The following ADGRL2 variants were observed in gnomAD, a reference collection of about 807,000 sequenced individuals.
The protein encoded by ADGRL2 is adhesion G protein-coupled receptor L2, also known as calcium-independent alpha-latrotoxin receptor 2.
A neutral mutation model predicts 157.4 loss-of-function variants in ADGRL2; 44 were observed. The ratio of observed to expected loss-of-function variants is 0.28; its 90% confidence interval spans 0.22 to 0.36. The LOEUF is 0.36. Among genes scored for constraint, ADGRL2 ranks in the 10% least tolerant of loss-of-function variants. ADGRL2 has a pLI of 1.00. For missense variants in ADGRL2, 1,510 were observed against 1,768.9 expected (o/e 0.85, Z 2.63); for synonymous variants, 585 against 624.7 (o/e 0.94, Z 0.95).
At chr1:81,847,816 C>T (rs934245983) in intron 2 of ADGRL2, among the ~76,000 whole-genome samples, 4 of 151,824 alleles carry the variant, frequency 2.6e-5, no homozygotes, top group African/African-American at 7.2e-5. Flanking sequence ...ACTATAAAGT[C>T]ATGTAATGCA....
intron 2 of ADGRL2, among the ~76,000 whole-genome samples, chr1:81,857,414 C>A (rs1467126243): frequency 6.6e-6 from 1 of 152,174 alleles, no homozygotes; most frequent in Non-Finnish European, 1.5e-5. Flanking sequence ...CACACTTGAG[C>A]TAGGTCTACT....
chr1:81,834,555 AG>A (rs2092161625), intron 1 of ADGRL2, among the ~76,000 whole-genome samples: 1 of 152,148 alleles, frequency 6.6e-6, no homozygotes, highest in South Asian at 2.1e-4. Context: ...GTTTAATGGA[AG>A]GTTGTTTAAA....
At chr1:81,682,816 T>G (rs752318816) in intron 3 of ADGRL2, among the ~76,000 whole-genome samples, 2 of 152,192 alleles carry the variant, frequency 1.3e-5, no homozygotes, top group Non-Finnish European at 2.9e-5. Context: ...TCCATGAAAG[T>G]GCTTTAGAAT....
intron 2 of ADGRL2, among the ~76,000 whole-genome samples, chr1:81,775,219 G>A (rs1486241869): frequency 1.3e-5 from 2 of 149,338 alleles, no homozygotes; most frequent in Non-Finnish European, 3.0e-5. Flanking sequence ...TTAATACTCT[G>A]AAAAAAAAAC....
intron 2 of ADGRL2, among the ~76,000 whole-genome samples, chr1:81,843,477 G>T (rs913337522): frequency 4.6e-5 from 7 of 152,068 alleles, no homozygotes; most frequent in African/African-American, 1.7e-4. Context: ...ATTGCTCTTA[G>T]GACACTTTAG....
chr1:81,617,890 C>A (rs556887141), intron 3 of ADGRL2, among the ~76,000 whole-genome samples: 1 of 152,300 alleles, frequency 6.6e-6, no homozygotes, highest in East Asian at 1.9e-4. Context: ...TCCACCCACT[C>A]TTATTTCTGA....
chr1:81,902,983 T>G (rs2094515595), intron 2 of ADGRL2, among the ~76,000 whole-genome samples: 1 of 152,232 alleles, frequency 6.6e-6, no homozygotes, highest in South Asian at 2.1e-4. Context: ...AGCAAGTTGT[T>G]TATTAATTAT....
At chr1:81,962,082 T>G (rs1655603829) in intron 11 of ADGRL2, among the ~76,000 whole-genome samples, 1 of 152,142 alleles carries the variant, frequency 6.6e-6, no homozygotes, top group Non-Finnish European at 1.5e-5. Context: ...AATTTTTGAG[T>G]GGTAGAGCAT....
intron 2 of ADGRL2, among the ~76,000 whole-genome samples, chr1:81,775,889 A>T (rs2149361901): frequency 6.6e-6 from 1 of 152,330 alleles, no homozygotes; most frequent in East Asian, 1.9e-4. Context: ...GTATTATATT[A>T]AAAGTTTTTC....
rs182879307 is a variant in ADGRL2, at chr1:81,475,048, G to A, written c.-248+29959G>A. Among the ~76,000 whole-genome samples, 900 of 152,244 alleles carry A rather than the reference G, an allele frequency of 5.9e-3. 2 individuals carry two copies. Among genetic ancestry groups the A allele is most frequent in the Non-Finnish European group, 8.9e-3 (603 of 68,022 alleles). The stretch of plus-strand genomic sequence containing the variant: ...AAAGCAGTCAGAGTCATCACAATTC[G>A]TTCCTTAGGCCCCCCAAGTCTTTAG... On this transcript the variant is annotated intron_variant, in intron 2 of 24. Transcript: ENST00000370721.
At chr1:81,671,435 T>C (rs763852861) in intron 3 of ADGRL2, among the ~76,000 whole-genome samples, 5 of 152,176 alleles carry the variant, frequency 3.3e-5, no homozygotes, top group African/African-American at 1.2e-4. Context: ...TCAAACTTAA[T>C]GTGCACAGAA....
intron 2 of ADGRL2, among the ~76,000 whole-genome samples, chr1:81,472,399 G>A (rs984121956): frequency 1.4e-4 from 22 of 152,222 alleles, no homozygotes; most frequent in African/African-American, 4.1e-4. Context: ...GCCGAGGGCC[G>A]AGGCAGGCGG....
chr1:81,473,724 A>G (rs2078217973), intron 2 of ADGRL2, among the ~76,000 whole-genome samples: 1 of 152,060 alleles, frequency 6.6e-6, no homozygotes, highest in Admixed American at 6.5e-5. Context: ...AAAGAAAACT[A>G]TAGGCCTATC....
chr1:81,485,417 TTC>T (rs888234630), intron 2 of ADGRL2, among the ~76,000 whole-genome samples: 37 of 152,286 alleles, frequency 2.4e-4, no homozygotes, highest in African/African-American at 8.9e-4. Context: ...GATAAAAGTT[TTC>T]TGTCACATAT....
chr1:81,900,093 C>T (rs1409433041), intron 2 of ADGRL2, among the ~76,000 whole-genome samples: 2 of 151,998 alleles, frequency 1.3e-5, no homozygotes, highest in East Asian at 1.9e-4. Context: ...GCCTCAACTT[C>T]CTCCTCTGTA....
intron 3 of ADGRL2, among the ~76,000 whole-genome samples, chr1:81,621,634 G>C (rs1233331632): frequency 1.3e-5 from 2 of 152,124 alleles, no homozygotes; most frequent in African/African-American, 4.8e-5. Context: ...TTCTTCTTTA[G>C]TTGAGTCTCC....
chr1:81,569,004 T>C (rs572078449), intron 2 of ADGRL2, among the ~76,000 whole-genome samples: 154 of 152,292 alleles, frequency 1.0e-3, no homozygotes, highest in African/African-American at 3.7e-3. Context: ...CCAAATTTTA[T>C]AAACTTTAAA....
chr1:81,317,340 C>T (rs1660173385), intron 1 of ADGRL2, among the ~76,000 whole-genome samples: 1 of 152,198 alleles, frequency 6.6e-6, no homozygotes, highest in African/African-American at 2.4e-5. Context: ...CATACTGCAT[C>T]TGGCTCACTG....
chr1:81,407,541 C>T (rs1488516942), intron 1 of ADGRL2, among the ~76,000 whole-genome samples: 1 of 152,200 alleles, frequency 6.6e-6, no homozygotes, highest in Non-Finnish European at 1.5e-5. Flanking sequence ...TTTTATTCTG[C>T]TTTTCAAGGA....
Sources: allele counts gnomAD v4.1 joint callset (sites outside exome capture counted in the v4.1 genomes callset), GRCh38; gene constraint gnomAD v4.1.1; transcripts MANE v1.5; gene names NCBI Gene and HGNC (gene_info 2026-07-23, HGNC 2026-07-21).